The following NAV3 variants were observed in gnomAD, a reference collection of about 807,000 sequenced individuals.
The protein encoded by NAV3 is neuron navigator 3.
In NAV3, 87 loss-of-function variants were observed where a neutral mutation model predicts 244.7. The ratio of observed to expected loss-of-function variants is 0.36; its 90% CI spans 0.30 to 0.42. NAV3 has a LOEUF of 0.42. NAV3 is among the 20% of genes least tolerant of loss of function. The probability of loss-of-function intolerance (pLI) is 1.00; values close to 1 mark genes in which losing one functional copy is unlikely to be tolerated. For missense variants in NAV3, 2,663 were observed against 2,893.3 expected, an observed-to-expected ratio of 0.92 and a Z score of 1.83; for synonymous variants, 1,126 against 1,042.2, an observed-to-expected ratio of 1.08 and a Z score of -1.55.
At chr12:77,872,694 A>T (rs190521139) in intron 1 of NAV3, among the ~76,000 whole-genome samples, 15 of 152,304 alleles carry the variant, frequency 9.8e-5, no homozygotes, top group Admixed American at 4.6e-4. Flanking sequence ...TATTTAAATC[A>T]TGTTTACCAA....
chr12:77,805,334 A>G lies in NAV3; in HGVS notation c.73-134985A>G, dbSNP rs140655970. 6.5e-3 allele frequency among the ~76,000 whole-genome samples: 986 copies of G among 152,292 alleles called. 8 individuals carry two copies. Among genetic ancestry groups the G allele is most frequent in the African/African-American group, 0.023 (954 of 41,564 alleles). On this transcript the variant is annotated intron_variant, in intron 2 of 8. Transcript: ENST00000550042. ...TAAACAGCTTTTATTAGTTTGAGATATGTTCCATCAATACCTAGTTTATTG... is the reference window on the plus strand; with the variant it reads ...TAAACAGCTTTTATTAGTTTGAGATGTGTTCCATCAATACCTAGTTTATTG...
intron 12 of NAV3, among the ~76,000 whole-genome samples, chr12:78,061,263 A>C (rs1350916665): frequency 6.6e-6 from 1 of 152,178 alleles, no homozygotes; most frequent in Non-Finnish European, 1.5e-5. Flanking sequence ...CTATAAATAC[A>C]TGTAACGCCT....
chr12:77,574,561 C>T (rs189742625), intron 2 of NAV3, among the ~76,000 whole-genome samples: 62 of 152,106 alleles, frequency 4.1e-4, no homozygotes, highest in African/African-American at 1.1e-3. Flanking sequence ...TGAAACAGAA[C>T]GCATTTAGCC....
At chr12:77,818,324 T>C (rs1872599226) in intron 2 of NAV3, among the ~76,000 whole-genome samples, 1 of 152,126 alleles carries the variant, frequency 6.6e-6, no homozygotes, top group Non-Finnish European at 1.5e-5. Context: ...ACTCCTAGAA[T>C]GTACATGCAT....
At chr12:77,982,182 T>A (rs1419232857) in intron 5 of NAV3, among the ~76,000 whole-genome samples, 1 of 152,200 alleles carries the variant, frequency 6.6e-6, no homozygotes, top group Non-Finnish European at 1.5e-5. Flanking sequence ...CCAGCCACTG[T>A]CTACTTGGGC....
intron 2 of NAV3, among the ~76,000 whole-genome samples, chr12:77,662,227 G>GTCTGTCTATCTA (rs147415005): frequency 1.4e-5 from 2 of 145,942 alleles, no homozygotes; most frequent in South Asian, 2.1e-4. Context: ...ATATCTATCT[G>GTCTGTCTATCTA]TCTATCTATC....
chr12:78,031,249 C>A (rs1427832879), intron 9 of NAV3, among the ~76,000 whole-genome samples: 1 of 152,112 alleles, frequency 6.6e-6, no homozygotes, highest in Non-Finnish European at 1.5e-5. Context: ...AGCTCTATTG[C>A]TGTGTATTAA....
chr12:77,794,174 G>T (rs1871305248), intron 2 of NAV3, among the ~76,000 whole-genome samples: 1 of 152,022 alleles, frequency 6.6e-6, no homozygotes, highest in Non-Finnish European at 1.5e-5. Context: ...GGGGATGTTT[G>T]TTTCTTGTCT....
At chr12:77,641,288 C>A (rs2136953525) in intron 2 of NAV3, among the ~76,000 whole-genome samples, 1 of 152,102 alleles carries the variant, frequency 6.6e-6, no homozygotes, top group South Asian at 2.1e-4. Flanking sequence ...AAGGAGACAT[C>A]TCAGTGAGAA....
At chr12:77,701,825 G>T (rs1875576769) in intron 2 of NAV3, among the ~76,000 whole-genome samples, 1 of 151,760 alleles carries the variant, frequency 6.6e-6, no homozygotes, top group Admixed American at 6.6e-5. Context: ...TTATTTTAGT[G>T]GTCAGAGAAC....
intron 12 of NAV3, among the ~76,000 whole-genome samples, chr12:78,101,687 A>T (rs192546632): frequency 1.6e-4 from 25 of 152,268 alleles, no homozygotes; most frequent in African/African-American, 5.5e-4. Context: ...GAAGTAATAC[A>T]GAATTTACAC....
In NAV3 at chr12:78,177,207, G is replaced by A. The variant is rs1453909372; in HGVS notation, c.5191G>A (p.Asp1731Asn). Reference sequence around the variant, plus strand: ...CACCAAGCCTCCTTCATCACATTCTGACATTGAAGAGCTTACTGATTCATC... The same window carrying A: ...CACCAAGCCTCCTTCATCACATTCTAACATTGAAGAGCTTACTGATTCATC... ...KSTKPPSSHS[D>N]IEELTDSSLP... The change falls in exon 27 of 40, where the codon GAC becomes AAC. Residue 1731 changes from aspartate (D) to asparagine (N), a missense_variant. Physicochemically the swap from Asp to Asn is conservative, Grantham distance 23 (BLOSUM62 1). Around this residue, in one of 6 missense-constraint regions of NAV3, gnomAD observed 193 missense variants for 200.7 expected, o/e 0.96. Transcript: ENST00000397909. The A allele has an allele frequency of 1.2e-6, 2 of 1,613,448 alleles. No homozygotes were observed. Among genetic ancestry groups the A allele is most frequent in the Non-Finnish European group, 8.5e-7 (1 of 1,179,606 alleles).
intron 24 of NAV3, among the ~76,000 whole-genome samples, chr12:78,169,892 C>T (rs1173004755): frequency 6.6e-6 from 1 of 151,762 alleles, no homozygotes; most frequent in Non-Finnish European, 1.5e-5. Flanking sequence ...TGACATCATA[C>T]ATTCTTGGTT....
chr12:77,999,170 G>A (rs1007715011), intron 7 of NAV3, among the ~76,000 whole-genome samples: 3 of 152,176 alleles, frequency 2.0e-5, no homozygotes. Flanking sequence ...AGAGAGGACG[G>A]GGATGAGTAT....
intron 23 of NAV3, among the ~76,000 whole-genome samples, chr12:78,164,467 T>C (rs2139484262): frequency 6.6e-6 from 1 of 152,140 alleles, no homozygotes; most frequent in South Asian, 2.1e-4. Context: ...CAACTAAAAA[T>C]TTAGTTGAAT....
rs148940992 is a variant in NAV3 at position 77,817,049 on chromosome 12, G to A, written c.73-123270G>A. Among the ~76,000 whole-genome samples the A allele has an allele frequency of 8.5e-5, 13 of 152,160 alleles. No homozygotes were observed. In the East Asian group the frequency reaches 2.5e-3, roughly 29 times the overall value. On this transcript the variant is annotated intron_variant, in intron 2 of 8. Transcript: ENST00000550042. ...AACTCTGGTAGTTCTTTTTCATTTT[G>A]ACTTTTTATTCTATTTTCCAATCTA...
chr12:77,677,480 A>G (rs972521546), intron 2 of NAV3, among the ~76,000 whole-genome samples: 4 of 152,218 alleles, frequency 2.6e-5, no homozygotes, highest in Non-Finnish European at 5.9e-5. Flanking sequence ...GTCCCAACAC[A>G]TATTCATTTT....
chr12:77,750,587 G>C (rs1457932876), intron 2 of NAV3, among the ~76,000 whole-genome samples: 2 of 151,892 alleles, frequency 1.3e-5, no homozygotes, highest in Non-Finnish European at 2.9e-5. Context: ...AGATAACCCT[G>C]GGTAAGTACA....
chr12:77,890,362 C>CA (rs1883789359), intron 1 of NAV3, among the ~76,000 whole-genome samples: 1 of 152,068 alleles, frequency 6.6e-6, no homozygotes, highest in South Asian at 2.1e-4. Context: ...GCAATCCCCT[C>CA]ACCTCTGCCT....
Sources: allele counts gnomAD v4.1 joint callset (sites outside exome capture counted in the v4.1 genomes callset), GRCh38; gene constraint gnomAD v4.1.1; regional missense constraint gnomAD v4.1.1; transcripts MANE v1.5; gene names NCBI Gene and HGNC (gene_info 2026-07-23, HGNC 2026-07-21).